Variants in TMOD1 observed in about 807,000 individuals in gnomAD.
TMOD1 encodes tropomodulin-1.
TMOD1 carries 17 observed loss-of-function variants against 40.6 expected under a neutral mutation model. The ratio of observed to expected loss-of-function variants is 0.42; its 90% CI spans 0.29 to 0.63. The LOEUF (loss-of-function observed/expected upper bound fraction) is 0.63, where lower values mean the gene tolerates loss of function less well. TMOD1 is among the 20% of genes least tolerant of loss of function. The pLI is 0.22. For missense variants in TMOD1, 391 were observed against 447.6 expected, an observed-to-expected ratio of 0.87 and a Z score of 1.14; for synonymous variants, 181 against 175.0, an observed-to-expected ratio of 1.03 and a Z score of -0.27.
intron 2 of TMOD1, among the ~76,000 whole-genome samples, chr9:97,530,275 AT>A (rs1830077846): frequency 6.6e-6 from 1 of 152,220 alleles, no homozygotes; most frequent in Admixed American, 6.5e-5. Context: ...AAGGCAGAAC[AT>A]TTTTTAAACT....
At chr9:97,554,735 G>A (rs971267722) in intron 4 of TMOD1, among the ~76,000 whole-genome samples, 8 of 152,096 alleles carry the variant, frequency 5.3e-5, no homozygotes, top group Admixed American at 3.3e-4. Flanking sequence ...AGGCCACGGC[G>A]GAGGTGGGAG....
chr9:97,555,413 A>T (rs1286930884), intron 4 of TMOD1: 1 of 1,373,070 alleles, frequency 7.3e-7, no homozygotes, highest in Admixed American at 3.2e-5. Flanking sequence ...TTATCAAATG[A>T]CTGCCGGCGC....
chr9:97,593,207 T>G (rs1434749431), intron 9 of TMOD1, among the ~76,000 whole-genome samples: 1 of 152,170 alleles, frequency 6.6e-6, no homozygotes, highest in African/African-American at 2.4e-5. Context: ...GAGGTCTTGT[T>G]TCTGGGGATA....
intron 9 of TMOD1, among the ~76,000 whole-genome samples, chr9:97,597,514 T>C (rs551974292): frequency 3.3e-3 from 498 of 151,794 alleles, no homozygotes; most frequent in African/African-American, 0.012. Context: ...CTGGCCAACA[T>C]GGTGAAACAC....
intron 1 of TMOD1, among the ~76,000 whole-genome samples, chr9:97,503,624 T>C (rs557465072): frequency 6.6e-6 from 1 of 152,338 alleles, no homozygotes; most frequent in East Asian, 1.9e-4. Context: ...TGAAAGCCAG[T>C]GTCCTCTAAA....
intron 8 of TMOD1, among the ~76,000 whole-genome samples, chr9:97,582,081 T>C (rs1413288501): frequency 6.6e-6 from 1 of 152,228 alleles, no homozygotes; most frequent in Non-Finnish European, 1.5e-5. Flanking sequence ...CATGCCTATG[T>C]CCTGAATGGT....
intron 2 of TMOD1, among the ~76,000 whole-genome samples, chr9:97,529,220 G>A (rs373004004): frequency 6.6e-5 from 10 of 152,318 alleles, no homozygotes; most frequent in South Asian, 6.2e-4. Context: ...AGCCTGAGGT[G>A]CAGAAGTCCA....
chr9:97,598,810 T>C (rs1826177288), intron 9 of TMOD1, among the ~76,000 whole-genome samples: 1 of 152,114 alleles, frequency 6.6e-6, no homozygotes. Flanking sequence ...ATAGACGGAC[T>C]TTTTTTCCCT....
At chr9:97,549,755 T>C (rs1281719799) in intron 3 of TMOD1, among the ~76,000 whole-genome samples, 1 of 152,174 alleles carries the variant, frequency 6.6e-6, no homozygotes, top group African/African-American at 2.4e-5. Flanking sequence ...GACATTTCTC[T>C]ATGCGCTTCC....
chr9:97,537,330 G>A (rs931625662), intron 2 of TMOD1, among the ~76,000 whole-genome samples: 7 of 152,354 alleles, frequency 4.6e-5, no homozygotes, highest in East Asian at 1.9e-4. Flanking sequence ...CTGTGTGTGC[G>A]GGTATATGTA....
At chr9:97,590,292 C>T (rs1408981258) in intron 8 of TMOD1, among the ~76,000 whole-genome samples, 1 of 151,820 alleles carries the variant, frequency 6.6e-6, no homozygotes, top group Non-Finnish European at 1.5e-5. Context: ...GGCACAATTT[C>T]GGCTCGCTGC....
At position 97,600,071 on chromosome 9, in the gene TMOD1, T is replaced by C; in HGVS notation, c.*373T>C. 9.6e-7 allele frequency: 1 copy of C among 1,043,876 alleles called. No homozygotes were observed. Among genetic ancestry groups the C allele is most frequent in the Non-Finnish European group, 1.2e-6 (1 of 862,976 alleles). The allele number at this position is 1,043,876 out of a possible 1,614,324, so 64.7% of individuals were successfully genotyped here. A position where few individuals can be genotyped will look rare whatever the true frequency, so the allele number is the denominator to read the frequency against. On this transcript the variant is annotated 3_prime_UTR_variant, in exon 10 of 10. Transcript: ENST00000259365. ...AATGTGTGACACAGAAACGGCACAC[T>C]CTTCCACATGCTTTTGAAGTATTAT...
At chr9:97,568,486 A>G (rs1587948588) in intron 7 of TMOD1, among the ~76,000 whole-genome samples, 2 of 152,202 alleles carry the variant, frequency 1.3e-5, no homozygotes, top group African/African-American at 2.4e-5. Flanking sequence ...GACATTGAGA[A>G]TGCCCTCGAA....
At chr9:97,510,995 A>G (rs1055733439) in intron 1 of TMOD1, among the ~76,000 whole-genome samples, 1 of 152,006 alleles carries the variant, frequency 6.6e-6, no homozygotes, top group African/African-American at 2.4e-5. Flanking sequence ...CCTGTTGCTT[A>G]CAGATGATTG....
chr9:97,550,094 G>A (rs1830426034), intron 3 of TMOD1, among the ~76,000 whole-genome samples: 1 of 152,136 alleles, frequency 6.6e-6, no homozygotes, highest in African/African-American at 2.4e-5. Flanking sequence ...CTGTATCTAT[G>A]GATTTACTTA....
At chr9:97,577,481 T>C (rs1825638391) in intron 8 of TMOD1, among the ~76,000 whole-genome samples, 1 of 152,180 alleles carries the variant, frequency 6.6e-6, no homozygotes, top group Admixed American at 6.5e-5. Context: ...CTTCAATTTT[T>C]TTTGCCTATA....
At chr9:97,548,666 G>A (rs1022521725) in intron 3 of TMOD1, among the ~76,000 whole-genome samples, 17 of 152,124 alleles carry the variant, frequency 1.1e-4, no homozygotes, top group African/African-American at 3.9e-4. Flanking sequence ...CTCTGGACTG[G>A]GCAGAGCTGG....
At chr9:97,597,386 C>A (rs1235919523) in intron 9 of TMOD1, among the ~76,000 whole-genome samples, 1 of 152,170 alleles carries the variant, frequency 6.6e-6, no homozygotes, top group Non-Finnish European at 1.5e-5. Context: ...CCCTTCTCTC[C>A]ATCCAGTCCC....
intron 8 of TMOD1, among the ~76,000 whole-genome samples, chr9:97,576,792 T>G (rs1830948549): frequency 6.6e-6 from 1 of 151,842 alleles, no homozygotes; most frequent in Non-Finnish European, 1.5e-5. Context: ...CGCCACCACG[T>G]CCAGCTAATT....
Sources: gnomAD v4.1 joint callset for allele counts (sites outside exome capture counted in the v4.1 genomes callset) on GRCh38, gnomAD v4.1.1 for gene constraint, MANE v1.5 for transcripts, NCBI Gene and HGNC (gene_info 2026-07-23, HGNC 2026-07-21) for gene names.